Variants in GRIN2A observed in about 807,000 individuals in gnomAD.
GRIN2A encodes glutamate ionotropic receptor NMDA type subunit 2A, also known as glutamate receptor ionotropic, NMDA 2A.
Under a neutral mutation model 113.4 loss-of-function variants are expected in GRIN2A, and 22 were observed. That is an observed-to-expected ratio of 0.19 (90% CI 0.14 to 0.28). GRIN2A has a LOEUF of 0.28. Among genes scored for constraint, GRIN2A ranks in the 10% least tolerant of loss-of-function variants. The pLI is 1.00. For missense variants in GRIN2A, 1,502 were observed against 1,887.0 expected (o/e 0.80, Z 3.78); for synonymous variants, 827 against 738.4 (o/e 1.12, Z -1.94).
chr16:10,015,033 T>C (rs2046576457), intron 2 of GRIN2A, among the ~76,000 whole-genome samples: 1 of 151,756 alleles, frequency 6.6e-6, no homozygotes. Flanking sequence ...GTGGGCAGAT[T>C]ACCTGAGATC....
At chr16:10,156,593 G>A (rs115556480) in intron 2 of GRIN2A, among the ~76,000 whole-genome samples, 99 of 152,268 alleles carry the variant, frequency 6.5e-4, no homozygotes, top group African/African-American at 1.9e-3. Flanking sequence ...CAGTCATGTG[G>A]GGAGGCCATT....
At chr16:9,804,287 A>C (rs1361882073) in intron 10 of GRIN2A, among the ~76,000 whole-genome samples, 4 of 152,114 alleles carry the variant, frequency 2.6e-5, no homozygotes, top group African/African-American at 4.8e-5. Flanking sequence ...CTGGACTCAG[A>C]GTGACGTGTT....
At chr16:10,052,239 G>C (rs1025230179) in intron 2 of GRIN2A, among the ~76,000 whole-genome samples, 5 of 152,218 alleles carry the variant, frequency 3.3e-5, no homozygotes, top group Non-Finnish European at 7.3e-5. Flanking sequence ...TCTGGAATAA[G>C]AGAAAAACAA....
chr16:9,761,534 A>G lies in GRIN2A; in HGVS notation c.*1615T>C, dbSNP rs1267229478. On this transcript the variant is annotated 3_prime_UTR_variant, in exon 13 of 13. Transcript: ENST00000330684. ...ATACACTAATTAACAGAGTAGAACT[A>G]TATAAAAGGTTTAGTTAATATTATT... 2 of 228,762 alleles carry G rather than the reference A, an allele frequency of 8.7e-6. No individual in the cohort carries two copies. The highest frequency in any genetic ancestry group is 1.7e-5 in the Non-Finnish European group (2 of 115,386). 14.2% of individuals were successfully genotyped at this position (228,762 alleles called of 1,614,324 possible). A position where few individuals can be genotyped will look rare whatever the true frequency, so the allele number is the denominator to read the frequency against.
At chr16:9,950,453 A>AG (rs1416401771) in intron 2 of GRIN2A, among the ~76,000 whole-genome samples, 2 of 152,176 alleles carry the variant, frequency 1.3e-5, no homozygotes, top group East Asian at 3.9e-4. Flanking sequence ...ACCACCCATC[A>AG]GATGTGGGTA....
At chr16:10,144,483 T>C (rs574422318) in intron 2 of GRIN2A, among the ~76,000 whole-genome samples, 2 of 152,330 alleles carry the variant, frequency 1.3e-5, no homozygotes, top group South Asian at 4.1e-4. Flanking sequence ...ATATTTCAAG[T>C]CCTTTGTCCA....
chr16:10,062,659 G>T (rs1414169067), intron 2 of GRIN2A, among the ~76,000 whole-genome samples: 7 of 152,200 alleles, frequency 4.6e-5, no homozygotes, highest in Non-Finnish European at 1.0e-4. Flanking sequence ...GAGGTCAGGA[G>T]TTTGAGATCA....
intron 3 of GRIN2A, among the ~76,000 whole-genome samples, chr16:9,900,076 T>G (rs973438691): frequency 6.6e-6 from 1 of 152,246 alleles, no homozygotes; most frequent in African/African-American, 2.4e-5. Flanking sequence ...AGCAGAGTGC[T>G]TGGCACATTA....
intron 11 of GRIN2A, among the ~76,000 whole-genome samples, chr16:9,784,649 G>A (rs951587692): frequency 1.5e-4 from 22 of 150,942 alleles, no homozygotes; most frequent in South Asian, 2.1e-4. Flanking sequence ...CAGAGTGAAC[G>A]GGCAACCTAC....
chr16:9,911,335 C>G (rs2044132146), intron 3 of GRIN2A, among the ~76,000 whole-genome samples: 1 of 152,090 alleles, frequency 6.6e-6, no homozygotes, highest in Admixed American at 6.6e-5. Context: ...AATAAACAAA[C>G]AAAATGGTCA....
At chr16:10,152,741 A>C (rs769288283) in intron 2 of GRIN2A, among the ~76,000 whole-genome samples, 2 of 152,214 alleles carry the variant, frequency 1.3e-5, no homozygotes, top group Non-Finnish European at 2.9e-5. Context: ...CAGACAATAG[A>C]ATATTATTCA....
intron 4 of GRIN2A, among the ~76,000 whole-genome samples, chr16:9,867,592 T>C (rs1260144230): frequency 4.6e-5 from 7 of 152,198 alleles, no homozygotes; most frequent in Admixed American, 6.5e-5. Context: ...AGACCTCCAG[T>C]GGTTTTCACT....
intron 2 of GRIN2A, among the ~76,000 whole-genome samples, chr16:10,153,083 G>A (rs2049617443): frequency 6.6e-6 from 1 of 152,102 alleles, no homozygotes; most frequent in African/African-American, 2.4e-5. Flanking sequence ...TGTATACTAT[G>A]GACTTTAGGC....
At chr16:10,076,136 C>T (rs2047868324) in intron 2 of GRIN2A, among the ~76,000 whole-genome samples, 1 of 152,198 alleles carries the variant, frequency 6.6e-6, no homozygotes, top group East Asian at 1.9e-4. Context: ...CCCAGCCCAG[C>T]ACCTGGGACA....
intron 2 of GRIN2A, among the ~76,000 whole-genome samples, chr16:10,053,277 G>A (rs552560401): frequency 1.3e-5 from 2 of 152,202 alleles, no homozygotes; most frequent in African/African-American, 4.8e-5. Flanking sequence ...TATGGAAAAG[G>A]TGGTTTGATC....
chr16:10,175,999 CCTT>C (rs2050137257), intron 2 of GRIN2A, among the ~76,000 whole-genome samples: 1 of 147,734 alleles, frequency 6.8e-6, no homozygotes. Flanking sequence ...TTTTAATTTT[CCTT>C]CTTTTTTTTT....
chr16:9,953,017 A>G (rs1168646546), intron 2 of GRIN2A, among the ~76,000 whole-genome samples: 1 of 152,156 alleles, frequency 6.6e-6, no homozygotes, highest in African/African-American at 2.4e-5. Flanking sequence ...GCAAGTTTTT[A>G]TCTTCGGGAA....
chr16:10,000,111 TTA>T (rs1159311040), intron 2 of GRIN2A, among the ~76,000 whole-genome samples: 2 of 152,118 alleles, frequency 1.3e-5, no homozygotes, highest in African/African-American at 4.8e-5. Context: ...CTTTCTTCCC[TTA>T]TAAGGACCCA....
At chr16:10,176,031 G>A (rs1394715438) in intron 2 of GRIN2A, among the ~76,000 whole-genome samples, 5 of 119,542 alleles carry the variant, frequency 4.2e-5, no homozygotes, top group African/African-American at 1.6e-4. Context: ...TTGAGACAAA[G>A]TCTCACTCTG....
Sources: gnomAD v4.1 joint callset for allele counts (sites outside exome capture counted in the v4.1 genomes callset) on GRCh38, gnomAD v4.1.1 for gene constraint, MANE v1.5 for transcripts, NCBI Gene and HGNC (gene_info 2026-07-23, HGNC 2026-07-21) for gene names.